CMTM8: variants seen among roughly 807,000 people sequenced by gnomAD.
The protein encoded by CMTM8 is CKLF like MARVEL transmembrane domain containing 8, also known as CKLF-like MARVEL transmembrane domain-containing protein 8.
CMTM8 carries 12 observed loss-of-function variants against 18.6 expected under a neutral mutation model. The ratio of observed to expected loss-of-function variants is 0.65; its 90% CI spans 0.41 to 1.05. The LOEUF (loss-of-function observed/expected upper bound fraction) is 1.05. Ranked by LOEUF, CMTM8 falls within the 50% of genes least tolerant of loss-of-function variation. CMTM8 has a pLI of 0.00. For synonymous variants in CMTM8, 87 were observed against 90.6 expected (o/e 0.96, Z 0.23); for missense variants, 217 against 227.2 (o/e 0.95, Z 0.29).
chr3:32,239,509 A>G (rs1415111315), intron 1 of CMTM8, among the ~76,000 whole-genome samples: 2 of 152,092 alleles, frequency 1.3e-5, no homozygotes. Flanking sequence ...AAAGCTTCCT[A>G]AGATCAGGGG....
chr3:32,309,150 C>T (rs1008235879), intron 1 of CMTM8, among the ~76,000 whole-genome samples: 1 of 152,070 alleles, frequency 6.6e-6, no homozygotes, highest in Non-Finnish European at 1.5e-5. Flanking sequence ...ATCCTTAACA[C>T]ACTCACTGCT....
chr3:32,265,756 A>T (rs1452943204), intron 1 of CMTM8, among the ~76,000 whole-genome samples: 1 of 152,248 alleles, frequency 6.6e-6, no homozygotes, highest in African/African-American at 2.4e-5. Context: ...ACGCAATAAA[A>T]AATGATAAAG....
chr3:32,352,807 C>G (rs543929557), intron 1 of CMTM8, among the ~76,000 whole-genome samples: 18 of 151,066 alleles, frequency 1.2e-4, no homozygotes, highest in Admixed American at 4.6e-4. Flanking sequence ...AAGCTGTTCA[C>G]TTAGGATTTG....
intron 1 of CMTM8, among the ~76,000 whole-genome samples, chr3:32,269,271 AG>A (rs1423848848): frequency 6.6e-6 from 1 of 152,224 alleles, no homozygotes; most frequent in Admixed American, 6.5e-5. Flanking sequence ...TTCTGTTCTC[AG>A]GGAATTTCCT....
chr3:32,258,186 C>G (rs1702201521), intron 1 of CMTM8, among the ~76,000 whole-genome samples: 1 of 152,136 alleles, frequency 6.6e-6, no homozygotes, highest in Non-Finnish European at 1.5e-5. Flanking sequence ...CCTCTATTTT[C>G]TGCTCCAGAG....
chr3:32,254,259 A>T (rs1702149311), intron 1 of CMTM8, among the ~76,000 whole-genome samples: 1 of 152,180 alleles, frequency 6.6e-6, no homozygotes, highest in African/African-American at 2.4e-5. Flanking sequence ...TAAAATGAAC[A>T]ATTGAGTGGC....
chr3:32,240,170 C>T (rs995199433), intron 1 of CMTM8, among the ~76,000 whole-genome samples: 4 of 152,204 alleles, frequency 2.6e-5, no homozygotes, highest in Non-Finnish European at 4.4e-5. Context: ...CTGGGCGGTT[C>T]CTTTGAGAAA....
chr3:32,304,756 A>G (rs1161649803), intron 1 of CMTM8, among the ~76,000 whole-genome samples: 1 of 152,254 alleles, frequency 6.6e-6, no homozygotes, highest in African/African-American at 2.4e-5. Context: ...GTTCCAGTTA[A>G]TAGTACAGAG....
rs1041862666 is a variant in CMTM8, at chr3:32,253,269, A to G, written c.147+14150A>G. Among the ~76,000 whole-genome samples, 5 of 151,406 alleles carry G rather than the reference A, an allele frequency of 3.3e-5. No homozygotes were observed. In the East Asian group the frequency reaches 7.8e-4, roughly 24 times the overall value. On this transcript the variant is annotated intron_variant, in intron 1 of 3. Transcript: ENST00000307526. ...AATCAGCCTTAGTTTCCTTTGCTATATTCCATTTTGTCTGATTCTAATCCT... is the reference window on the plus strand; with the variant it reads ...AATCAGCCTTAGTTTCCTTTGCTATGTTCCATTTTGTCTGATTCTAATCCT...
At chr3:32,301,684 A>G (rs1695621366) in intron 1 of CMTM8, among the ~76,000 whole-genome samples, 1 of 151,956 alleles carries the variant, frequency 6.6e-6, no homozygotes, top group Non-Finnish European at 1.5e-5. Flanking sequence ...ACAGTTTTCC[A>G]TGAATGATTT....
At chr3:32,338,652 AC>A (rs1696434711) in intron 1 of CMTM8, among the ~76,000 whole-genome samples, 1 of 152,168 alleles carries the variant, frequency 6.6e-6, no homozygotes, top group Admixed American at 6.5e-5. Context: ...CAGGCTTTGC[AC>A]CTAACACACT....
chr3:32,325,364 C>T (rs1010440518), intron 1 of CMTM8, among the ~76,000 whole-genome samples: 1 of 152,182 alleles, frequency 6.6e-6, no homozygotes, highest in African/African-American at 2.4e-5. Flanking sequence ...GCTTAAAAAG[C>T]CTCCACAATT....
chr3:32,316,878 A>G (rs1051667264), intron 1 of CMTM8, among the ~76,000 whole-genome samples: 2 of 152,244 alleles, frequency 1.3e-5, no homozygotes, highest in East Asian at 3.8e-4. Flanking sequence ...ATTTGCCAAT[A>G]TGGTAGATAT....
chr3:32,336,371 G>A (rs1291466187), intron 1 of CMTM8, among the ~76,000 whole-genome samples: 1 of 152,202 alleles, frequency 6.6e-6, no homozygotes, highest in Non-Finnish European at 1.5e-5. Context: ...ATTTTATCTT[G>A]ACCTCAAACT....
At position 32,369,182 on chromosome 3, in the gene CMTM8, C is replaced by T. The variant is rs190045075; in HGVS notation, c.439-702C>T. Among the ~76,000 whole-genome samples the T allele has an allele frequency of 1.8e-3, 277 of 151,882 alleles. 1 individual carries two copies. The highest frequency in any genetic ancestry group is 6.4e-3 in the African/African-American group (264 of 41,416). Reference sequence around the variant, plus strand: ...AAAAAAAATGAGCCGGGGGTGGTGGCGGGCACCTGTAATCCCAGCTACTTG... The same window carrying T: ...AAAAAAAATGAGCCGGGGGTGGTGGTGGGCACCTGTAATCCCAGCTACTTG... On this transcript the variant is annotated intron_variant, in intron 3 of 3. Coordinates refer to ENST00000307526, the MANE Select transcript of CMTM8 (RefSeq NM_178868.5).
At chr3:32,353,549 G>A (rs1696753504) in intron 1 of CMTM8, among the ~76,000 whole-genome samples, 1 of 152,186 alleles carries the variant, frequency 6.6e-6, no homozygotes, top group African/African-American at 2.4e-5. Flanking sequence ...GTGTAGTAGT[G>A]TGGAAGGTTG....
At position 32,343,701 on chromosome 3, in the gene CMTM8, TG is replaced by T. The variant is rs1229291128; in HGVS notation, c.148-13671del. 2.8e-4 allele frequency among the ~76,000 whole-genome samples: 42 copies of T among 150,950 alleles called. 2 individuals are homozygous for T. The highest frequency in any genetic ancestry group is 2.6e-3 in the Admixed American group (40 of 15,230). On this transcript the variant is annotated intron_variant, in intron 1 of 3. Coordinates refer to ENST00000307526, the MANE Select transcript of CMTM8 (RefSeq NM_178868.5). Reference sequence around the variant, plus strand: ...ATTGAGACCTCAGGTGGTTTGTTTTTGTTTTTGTTTTTGAGACGGAATCTCA... The same window carrying T: ...ATTGAGACCTCAGGTGGTTTGTTTTTTTTTTGTTTTTGAGACGGAATCTCA...
intron 1 of CMTM8, among the ~76,000 whole-genome samples, chr3:32,267,079 T>TCA (rs1377076291): frequency 6.6e-6 from 1 of 152,116 alleles, no homozygotes; most frequent in African/African-American, 2.4e-5. Context: ...ATGACTTTCT[T>TCA]CACAGAATTG....
intron 2 of CMTM8, among the ~76,000 whole-genome samples, chr3:32,359,208 C>A (rs140628432): frequency 1.2e-4 from 18 of 152,338 alleles, no homozygotes; most frequent in Admixed American, 1.1e-3. Flanking sequence ...GGGCCACACG[C>A]CTACGGCCCA....
Sources: allele counts gnomAD v4.1 joint callset (sites outside exome capture counted in the v4.1 genomes callset), GRCh38; gene constraint gnomAD v4.1.1; transcripts MANE v1.5; gene names NCBI Gene and HGNC (gene_info 2026-07-23, HGNC 2026-07-21).